The following CHSY3 variants were observed in gnomAD, a reference collection of about 807,000 sequenced individuals.
CHSY3 encodes the protein N-acetylgalactosaminyl-proteoglycan 3-beta-glucuronosyltransferase 3.
CHSY3 carries 35 observed loss-of-function variants against 67.2 expected under a neutral mutation model. That is an observed-to-expected ratio of 0.52 (90% CI 0.40 to 0.69). The LOEUF (loss-of-function observed/expected upper bound fraction) is 0.69. Among genes scored for constraint, CHSY3 ranks in the 30% least tolerant of loss-of-function variants. The probability of loss-of-function intolerance (pLI) is 0.00; values close to 1 mark genes in which losing one functional copy is unlikely to be tolerated. For synonymous variants in CHSY3, 474 were observed against 434.7 expected (o/e 1.09, Z -1.12); for missense variants, 1,069 against 1,138.5 (o/e 0.94, Z 0.88).
intron 2 of CHSY3, among the ~76,000 whole-genome samples, chr5:130,093,443 C>G (rs1365182056): frequency 1.3e-5 from 2 of 152,080 alleles, no homozygotes; most frequent in Admixed American, 6.6e-5. Flanking sequence ...TTAAATGCTG[C>G]TACTCTTATA....
intron 2 of CHSY3, among the ~76,000 whole-genome samples, chr5:130,052,855 T>C (rs1439050808): frequency 1.3e-5 from 2 of 152,030 alleles, no homozygotes; most frequent in East Asian, 3.9e-4. Context: ...GACAGAAAAA[T>C]GGACTCAGTA....
chr5:130,005,999 G>A (rs1294606462), intron 2 of CHSY3, among the ~76,000 whole-genome samples: 1 of 152,024 alleles, frequency 6.6e-6, no homozygotes, highest in Non-Finnish European at 1.5e-5. Flanking sequence ...AGTCTACTGG[G>A]CAAATTGTGC....
chr5:130,091,841 C>G (rs1185997225), intron 2 of CHSY3, among the ~76,000 whole-genome samples: 1 of 152,124 alleles, frequency 6.6e-6, no homozygotes, highest in Non-Finnish European at 1.5e-5. Flanking sequence ...ATTGTTATTT[C>G]TTGGTACCGC....
Position 130,184,271 on chromosome 5 carries a change from G to A in CHSY3, c.1129G>A (p.Gly377Ser), listed in dbSNP as rs1770339607. 6.2e-7 allele frequency: 1 copy of A among 1,608,370 alleles called. No homozygotes were observed. The change falls in exon 3 of 3, where the codon GGT becomes AGT. Residue 377 changes from glycine to serine, a missense_variant. Coordinates refer to ENST00000305031, the MANE Select transcript of CHSY3 (RefSeq NM_175856.5). Reference sequence around the variant, plus strand: ...TGAAAATTATGAACACAATCGGAAGGGTTACATCCAAGACCTTCACAATAG... The same window carrying A: ...TGAAAATTATGAACACAATCGGAAGAGTTACATCCAAGACCTTCACAATAG... ...FHENYEHNRK[G>S]YIQDLHNSKI...
At chr5:129,991,357 G>T (rs1477943798) in intron 2 of CHSY3, among the ~76,000 whole-genome samples, 1 of 152,052 alleles carries the variant, frequency 6.6e-6, no homozygotes, top group Admixed American at 6.6e-5. Context: ...TGATTTCTGA[G>T]GGAAATGAGA....
At chr5:129,946,766 T>C (rs1291268004) in intron 2 of CHSY3, among the ~76,000 whole-genome samples, 3 of 152,170 alleles carry the variant, frequency 2.0e-5, no homozygotes, top group East Asian at 1.9e-4. Context: ...GATATCCCCC[T>C]TTTTTAAGGC....
chr5:130,114,047 A>G (rs1038969765), intron 2 of CHSY3, among the ~76,000 whole-genome samples: 1 of 152,096 alleles, frequency 6.6e-6, no homozygotes, highest in African/African-American at 2.4e-5. Flanking sequence ...CATTGTTTCC[A>G]TAAAGGATTT....
intron 2 of CHSY3, among the ~76,000 whole-genome samples, chr5:130,054,307 A>G (rs564871753): frequency 3.8e-4 from 58 of 152,266 alleles, no homozygotes; most frequent in African/African-American, 1.4e-3. Context: ...TTCCCTGATG[A>G]TATTAATCAT....
chr5:130,053,117 A>G (rs7720798), intron 2 of CHSY3, among the ~76,000 whole-genome samples: 2,114 of 152,250 alleles, frequency 0.014, 49 homozygotes, highest in African/African-American at 0.048. Flanking sequence ...CCCAAATAGG[A>G]ACACTTCTAA....
chr5:130,167,804 AAAT>A (rs1424241164), intron 2 of CHSY3, among the ~76,000 whole-genome samples: 1 of 152,122 alleles, frequency 6.6e-6, no homozygotes, highest in Admixed American at 6.6e-5. Flanking sequence ...AAAGTTTACT[AAAT>A]AATAATAATA....
At chr5:130,005,074 A>G (rs866881446) in intron 2 of CHSY3, among the ~76,000 whole-genome samples, 1 of 152,212 alleles carries the variant, frequency 6.6e-6, no homozygotes, top group African/African-American at 2.4e-5. Context: ...TCGAGATACT[A>G]TAAAGTTTAG....
At chr5:130,046,400 A>C (rs540571788) in intron 2 of CHSY3, among the ~76,000 whole-genome samples, 2 of 152,230 alleles carry the variant, frequency 1.3e-5, no homozygotes, top group South Asian at 4.2e-4. Flanking sequence ...AAATCTGGCT[A>C]GTTATTAAGG....
At chr5:130,125,449 A>AGATAGAT in intron 2 of CHSY3, among the ~76,000 whole-genome samples, 1 of 152,072 alleles carries the variant, frequency 6.6e-6, no homozygotes, top group Admixed American at 6.6e-5. Context: ...ATAGATAGAT[A>AGATAGAT]GATAGACAGA....
rs116346611 is a variant in CHSY3 at position 130,157,594 on chromosome 5, A to G, written c.1087-26635A>G. Among the ~76,000 whole-genome samples the G allele has an allele frequency of 5.9e-3, 900 of 152,368 alleles. 15 individuals are homozygous for G. Among genetic ancestry groups the G allele is most frequent in the African/African-American group, 0.02 (816 of 41,584 alleles). The stretch of plus-strand genomic sequence containing the variant: ...TCTATGGGTCACATCTGTCTAAAAA[A>G]GAGTCAACCGAACAGAGAGGCACTG... On this transcript the variant is annotated intron_variant, in intron 2 of 2. Coordinates refer to ENST00000305031, the MANE Select transcript of CHSY3 (RefSeq NM_175856.5).
chr5:130,061,626 A>T (rs1488487513), intron 2 of CHSY3, among the ~76,000 whole-genome samples: 1 of 152,162 alleles, frequency 6.6e-6, no homozygotes, highest in Non-Finnish European at 1.5e-5. Flanking sequence ...AAACCTGTAG[A>T]ATAGGAGAAA....
At chr5:130,152,192 G>T (rs1203133444) in intron 2 of CHSY3, among the ~76,000 whole-genome samples, 1 of 152,150 alleles carries the variant, frequency 6.6e-6, no homozygotes, top group Non-Finnish European at 1.5e-5. Context: ...CACTGTTCCA[G>T]CATTAACGTT....
chr5:130,115,421 C>T (rs775536989), intron 2 of CHSY3, among the ~76,000 whole-genome samples: 4 of 152,068 alleles, frequency 2.6e-5, no homozygotes, highest in Admixed American at 2.0e-4. Flanking sequence ...ATCTTGTCAA[C>T]GTTTTCTAAT....
At chr5:130,122,473 A>C (rs770395289) in intron 2 of CHSY3, among the ~76,000 whole-genome samples, 1 of 152,202 alleles carries the variant, frequency 6.6e-6, no homozygotes, top group Admixed American at 6.5e-5. Flanking sequence ...AAGAAAAATA[A>C]GTATGCATTT....
intron 2 of CHSY3, among the ~76,000 whole-genome samples, chr5:130,099,485 A>G (rs1302657668): frequency 6.6e-6 from 1 of 152,206 alleles, no homozygotes; most frequent in African/African-American, 2.4e-5. Context: ...TCAAACAATG[A>G]CAATGAGATG....
Sources: allele counts gnomAD v4.1 joint callset (sites outside exome capture counted in the v4.1 genomes callset), GRCh38; gene constraint gnomAD v4.1.1; transcripts MANE v1.5; gene names NCBI Gene and HGNC (gene_info 2026-07-23, HGNC 2026-07-21).